FKBP1A: variants seen among roughly 807,000 people sequenced by gnomAD.
The protein encoded by FKBP1A is FKBP prolyl isomerase 1A, also known as peptidyl-prolyl cis-trans isomerase FKBP1A.
FKBP1A carries 5 observed loss-of-function variants against 14.2 expected under a neutral mutation model. The ratio of observed to expected loss-of-function variants is 0.35; its 90% CI spans 0.18 to 0.74. FKBP1A has a LOEUF of 0.74. Among genes scored for constraint, FKBP1A ranks in the 30% least tolerant of loss-of-function variants. The pLI, the probability that FKBP1A is intolerant of heterozygous loss-of-function variation, is 0.56. For synonymous variants in FKBP1A, 42 were observed against 49.1 expected (o/e 0.86, Z 0.60); for missense variants, 53 against 138.8 (o/e 0.38, Z 3.10).
At chr20:1,374,950 C>T (rs2089520008) in intron 3 of FKBP1A, among the ~76,000 whole-genome samples, 1 of 152,230 alleles carries the variant, frequency 6.6e-6, no homozygotes, top group South Asian at 2.1e-4. Context: ...GATTCTCCTG[C>T]CTCGGCCTCC....
At position 1,370,981 on chromosome 20, in the gene FKBP1A, G is replaced by C. The variant is rs1042392026; in HGVS notation, c.*37-909C>G. 2.6e-5 allele frequency: 26 copies of C among 985,472 alleles called. 1 individual carries two copies. The Admixed American group carries it at 1.0e-3, about 40-fold the overall frequency. 61.0% of individuals were successfully genotyped at this position (985,472 alleles called of 1,614,324 possible). On this transcript the variant is annotated intron_variant, in intron 4 of 4. Coordinates refer to ENST00000400137, the MANE Select transcript of FKBP1A (RefSeq NM_000801.5). ...AACCAGGCCTGTATTACCAAGGTGTGTGTGGTTCAAACAGAGAGTTTAAAA... is the reference window on the plus strand; with the variant it reads ...AACCAGGCCTGTATTACCAAGGTGTCTGTGGTTCAAACAGAGAGTTTAAAA...
intron 2 of FKBP1A, among the ~76,000 whole-genome samples, chr20:1,382,777 G>A (rs1174320025): frequency 6.6e-6 from 1 of 152,316 alleles, no homozygotes; most frequent in East Asian, 1.9e-4. Context: ...ACAAGACCAT[G>A]AAAGAAGCCA....
At position 1,379,311 on chromosome 20, in the gene FKBP1A, T is replaced by A. The variant is rs1029631643; in HGVS notation, c.86-3708A>T. Among the ~76,000 whole-genome samples the A allele has an allele frequency of 6.6e-6, 1 of 152,206 alleles. No homozygotes were observed. The highest frequency in any genetic ancestry group is 1.5e-5 in the Non-Finnish European group (1 of 68,030). ...GAGATACTTCAACTATCTATCTGACTGGTACCAGGCTAGGAGCACTAGGCA... is the reference window on the plus strand; with the variant it reads ...GAGATACTTCAACTATCTATCTGACAGGTACCAGGCTAGGAGCACTAGGCA... On this transcript the variant is annotated intron_variant, in intron 2 of 4. Transcript: ENST00000400137. The surrounding 1 kb of genome is among the most constrained non-coding windows in gnomAD (Gnocchi z 4.3).
At chr20:1,381,421 A>G (rs182864252) in intron 2 of FKBP1A, among the ~76,000 whole-genome samples, 1 of 152,352 alleles carries the variant, frequency 6.6e-6, no homozygotes. Context: ...AGTAAAGCTA[A>G]AAAGACTGAC....
At chr20:1,381,972 CA>C (rs1287979806) in intron 2 of FKBP1A, among the ~76,000 whole-genome samples, 2 of 152,164 alleles carry the variant, frequency 1.3e-5, no homozygotes, top group African/African-American at 4.8e-5. Flanking sequence ...TGAAGCTGTA[CA>C]TTTTTAAAAT....
At chr20:1,370,373 A>G (rs2089447646) in intron 4 of FKBP1A, 1 of 985,270 alleles carries the variant, frequency 1.0e-6, no homozygotes, top group African/African-American at 1.7e-5. Flanking sequence ...CCCCACTATC[A>G]TTGGGTCTCA....
At position 1,392,732 on chromosome 20, in the gene FKBP1A, CGCCCCGGACCCCAG is replaced by C. The variant is rs1199848558; in HGVS notation, c.85+88_85+101del. 6 of 810,476 alleles carry C rather than the reference CGCCCCGGACCCCAG, an allele frequency of 7.4e-6. No individual in the cohort carries two copies. In the East Asian group the frequency reaches 1.1e-4, roughly 15 times the overall value. 50.2% of individuals were successfully genotyped at this position (810,476 alleles called of 1,614,324 possible). On this transcript the variant is annotated intron_variant, in intron 2 of 4. Coordinates refer to ENST00000400137, the MANE Select transcript of FKBP1A (RefSeq NM_000801.5). The stretch of plus-strand genomic sequence containing the variant: ...GGCCATGCGGACCTCGCCGCCGCCA[CGCCCCGGACCCCAG>C]GCCCCGGGCCCCCAGGCCTCGACGG...
chr20:1,379,659 T>C lies in FKBP1A; in HGVS notation c.86-4056A>G, dbSNP rs2089595090. ...ACAGTCACCAACTGTCAATCTCATC[T>C]ACTTTCTAAGGAGAAATCTTCGCAG... On this transcript the variant is annotated intron_variant, in intron 2 of 4. Transcript: ENST00000400137. This position sits in a 1 kb window ranked among gnomAD's most constrained non-coding sequence, Gnocchi z 4.3. Among the ~76,000 whole-genome samples the C allele has an allele frequency of 6.6e-6, 1 of 152,240 alleles. No individual in the cohort carries two copies. Among genetic ancestry groups the C allele is most frequent in the Non-Finnish European group, 1.5e-5 (1 of 68,034 alleles).
chr20:1,371,258 G>C lies in FKBP1A; in HGVS notation c.*36+818C>G, dbSNP rs7271475. 207 of 950,682 alleles carry C rather than the reference G, an allele frequency of 2.2e-4. No individual in the cohort carries two copies. The African/African-American group carries it at 3.4e-3, about 16-fold the overall frequency. 58.9% of individuals were successfully genotyped at this position (950,682 alleles called of 1,614,324 possible). ...TTACATGAAAAGTTACGTGCTACTAGGATACTGAGTTTAGTTCCTAAGAAA... is the reference window on the plus strand; with the variant it reads ...TTACATGAAAAGTTACGTGCTACTACGATACTGAGTTTAGTTCCTAAGAAA... On this transcript the variant is annotated intron_variant, in intron 4 of 4. Transcript: ENST00000400137.
chr20:1,387,504 G>A (rs1490338218), intron 2 of FKBP1A, among the ~76,000 whole-genome samples: 1 of 152,134 alleles, frequency 6.6e-6, no homozygotes, highest in Non-Finnish European at 1.5e-5. Flanking sequence ...TGCCCCCACT[G>A]GGAATGGCAA....
chr20:1,392,194 T>C lies in FKBP1A; in HGVS notation c.85+640A>G, dbSNP rs151009886. Among the ~76,000 whole-genome samples the C allele has an allele frequency of 7.6e-3, 1,150 of 152,292 alleles. 22 individuals are homozygous for C. The highest frequency in any genetic ancestry group is 0.026 in the African/African-American group (1,088 of 41,568). ...CTGAGCCAGCGCTGTCACTGAGCCT[T>C]GGATTTGTAAGTGGCTCAAAAGTAA... On this transcript the variant is annotated intron_variant, in intron 2 of 4. Coordinates refer to ENST00000400137, the MANE Select transcript of FKBP1A (RefSeq NM_000801.5).
At chr20:1,389,005 G>C (rs1462933120) in intron 2 of FKBP1A, among the ~76,000 whole-genome samples, 2 of 152,124 alleles carry the variant, frequency 1.3e-5, no homozygotes, top group East Asian at 3.9e-4. Flanking sequence ...CAGCCCTGTA[G>C]CTCCCTCTCC....
intron 2 of FKBP1A, among the ~76,000 whole-genome samples, chr20:1,381,978 T>A (rs975352695): frequency 6.6e-6 from 1 of 152,264 alleles, no homozygotes; most frequent in Non-Finnish European, 1.5e-5. Context: ...TGTACATTTT[T>A]AAAATGTGCA....
Position 1,392,893 on chromosome 20 carries a change from G to A in FKBP1A, c.38-12C>T, listed in dbSNP as rs746677329. The A allele has an allele frequency of 1.3e-6, 2 of 1,530,492 alleles. No homozygotes were observed. The highest frequency in any genetic ancestry group is 2.8e-5 in the African/African-American group (2 of 71,234). The allele number at this position is 1,530,492 out of a possible 1,614,324, so 94.8% of individuals were successfully genotyped here. On this transcript the variant is annotated splice_polypyrimidine_tract_variant and intron_variant, in intron 1 of 4. Coordinates refer to ENST00000400137, the MANE Select transcript of FKBP1A (RefSeq NM_000801.5). The stretch of plus-strand genomic sequence containing the variant: ...GGGGAAGGTGCGCCCTGAGGAGACA[G>A]AGACGGGCATGCTGAGCCGATGCGC...
chr20:1,385,737 T>C (rs1188202853), intron 2 of FKBP1A, among the ~76,000 whole-genome samples: 1 of 152,298 alleles, frequency 6.6e-6, no homozygotes, highest in East Asian at 1.9e-4. Context: ...ACTTTTCCAG[T>C]CCCAGAACAT....
At chr20:1,370,794 G>T (rs1282816257) in intron 4 of FKBP1A, 1 of 985,112 alleles carries the variant, frequency 1.0e-6, no homozygotes, top group East Asian at 1.1e-4. Flanking sequence ...TAATTCCAAG[G>T]CTCCCTCGAG....
At chr20:1,373,500 T>G (rs1479469475) in intron 3 of FKBP1A, among the ~76,000 whole-genome samples, 1 of 152,234 alleles carries the variant, frequency 6.6e-6, no homozygotes, top group East Asian at 1.9e-4. Flanking sequence ...CTTCTTCCTG[T>G]GTTTTTAACT....
At chr20:1,388,072 AAAT>A (rs2089687788) in intron 2 of FKBP1A, among the ~76,000 whole-genome samples, 2 of 152,244 alleles carry the variant, frequency 1.3e-5, no homozygotes, top group African/African-American at 4.8e-5. Context: ...GATCACTGCT[AAAT>A]GCAAAGGGAA....
chr20:1,372,570 C>T (rs940594993), intron 3 of FKBP1A, among the ~76,000 whole-genome samples: 9 of 152,180 alleles, frequency 5.9e-5, no homozygotes, highest in African/African-American at 2.2e-4. Flanking sequence ...ACCTAGTCCC[C>T]TTCAGTGATC....
Sources: gnomAD v4.1 joint callset for allele counts (sites outside exome capture counted in the v4.1 genomes callset) on GRCh38, gnomAD v4.1.1 for gene constraint, Gnocchi (gnomAD v3.1) non-coding constraint, MANE v1.5 for transcripts, NCBI Gene and HGNC (gene_info 2026-07-23, HGNC 2026-07-21) for gene names.